The following DDX60L variants were observed in gnomAD, a reference collection of about 807,000 sequenced individuals.
DDX60L encodes the protein probable ATP-dependent RNA helicase DDX60-like.
In DDX60L, 191 loss-of-function variants were observed where a neutral mutation model predicts 211.6. The ratio of observed to expected loss-of-function variants is 0.90; its 90% CI spans 0.80 to 1.02. The LOEUF is 1.02. DDX60L is among the 50% of genes least tolerant of loss of function. The pLI, the probability that DDX60L is intolerant of heterozygous loss-of-function variation, is 0.00. For synonymous variants in DDX60L, 706 were observed against 694.1 expected, an observed-to-expected ratio of 1.02 and a Z score of -0.27; for missense variants, 2,007 against 1,984.1, an observed-to-expected ratio of 1.01 and a Z score of -0.22.
chr4:168,388,207 T>G (rs553039776), intron 29 of DDX60L, among the ~76,000 whole-genome samples: 1 of 152,224 alleles, frequency 6.6e-6, no homozygotes, highest in Admixed American at 6.5e-5. Flanking sequence ...GCTGGAGTAA[T>G]CAAAGAAGAC....
In DDX60L at chr4:168,433,111, GA is replaced by G; in HGVS notation, c.1298del (p.Ile433ThrfsTer14). ...LRQEKSVIQE[I>X]SLEKMPSVGF... ...CCACACTAGGCATCTTTTCCAAGGA[GA>G]TTTCTGAAAACAAATATAAATTTAA... is the stretch of plus-strand genomic sequence containing the variant. On this transcript the variant is annotated frameshift_variant, in exon 11 of 38. Transcript: ENST00000682922. LOFTEE classifies it high-confidence loss of function. 1 of 1,595,614 alleles carries G rather than the reference GA, an allele frequency of 6.3e-7. No individual in the cohort carries two copies. Among genetic ancestry groups the G allele is most frequent in the Non-Finnish European group, 8.6e-7 (1 of 1,168,030 alleles).
At chr4:168,479,739 C>A (rs911998063) in intron 1 of DDX60L, among the ~76,000 whole-genome samples, 2 of 151,964 alleles carry the variant, frequency 1.3e-5, no homozygotes, top group African/African-American at 4.8e-5. Context: ...GCGGCCTAGG[C>A]GGGCGGGTCA....
chr4:168,379,858 C>G (rs1560950509), intron 30 of DDX60L, 28 bp from the exon 31 acceptor site: 1 of 1,517,714 alleles, frequency 6.6e-7, no homozygotes, highest in Non-Finnish European at 9.1e-7. Flanking sequence ...TTTAATTTAT[C>G]TAGTTTTAAA....
At position 168,462,019 on chromosome 4, in the gene DDX60L, C is replaced by A. The variant is rs772229721; in HGVS notation, c.286G>T (p.Asp96Tyr). Residue 96 changes from aspartate (D) to tyrosine (Y), a missense_variant, in exon 5 of 38, where the codon GAT becomes TAT. Coordinates refer to ENST00000682922, the MANE Select transcript of DDX60L (RefSeq NM_001012967.3). ...FFKDAEYAYFDFPELLSLRTA... is the reference protein window; with the variant it reads ...FFKDAEYAYFYFPELLSLRTA... ...CTCAATGAAAGAAGTTCAGGAAAAT[C>A]AAAATATGCATATTCAGCATCCTGT... is the stretch of plus-strand genomic sequence containing the variant. The A allele has an allele frequency of 1.9e-6, 3 of 1,606,434 alleles. No homozygotes were observed. Among genetic ancestry groups the A allele is most frequent in the South Asian group, 2.2e-5 (2 of 90,038 alleles).
rs1296650486 is a variant in DDX60L at position 168,421,855 on chromosome 4, T to C, written c.2299A>G (p.Thr767Ala). Residue 767 changes from threonine to alanine, a missense_variant, in exon 17 of 38, where the codon ACG (threonine) becomes GCG (alanine). By Grantham distance (58) the Thr-to-Ala change is moderately conservative (BLOSUM62 0). Coordinates refer to ENST00000682922, the MANE Select transcript of DDX60L (RefSeq NM_001012967.3). ...GAAGCATAGGTTTTGCCTGAGGACG[T>C]TGGGGCAACAATCACTGCTGACTCA... Reference protein sequence around the residue: ...KNESAVIVAPTSSGKTYASYY... With the variant: ...KNESAVIVAPASSGKTYASYY... 9 of 1,614,078 alleles carry C rather than the reference T, an allele frequency of 5.6e-6. No homozygotes were observed. The highest frequency in any genetic ancestry group is 5.3e-5 in the African/African-American group (4 of 74,918).
intron 36 of DDX60L, among the ~76,000 whole-genome samples, chr4:168,366,643 T>C (rs2149609652): frequency 6.6e-6 from 1 of 152,160 alleles, no homozygotes; most frequent in East Asian, 1.9e-4. Flanking sequence ...CTAAAATTTG[T>C]AGGAAACCAC....
intron 34 of DDX60L, 88 bp from the exon 35 acceptor site, chr4:168,373,896 A>G: frequency 7.6e-7 from 1 of 1,314,486 alleles, no homozygotes; most frequent in Non-Finnish European, 1.1e-6. Context: ...AAGCCACAGT[A>G]GGTGACATTC....
chr4:168,375,812 G>A (rs1741852721), intron 33 of DDX60L, among the ~76,000 whole-genome samples: 1 of 152,194 alleles, frequency 6.6e-6, no homozygotes, highest in Admixed American at 6.5e-5. Flanking sequence ...ATATTTCAGA[G>A]ACTTGAGGGA....
chr4:168,445,949 A>G (rs1754719771), intron 9 of DDX60L, among the ~76,000 whole-genome samples: 1 of 130,928 alleles, frequency 7.6e-6, no homozygotes. Context: ...AACTGGAAGC[A>G]TTCCCTTTGA....
intron 36 of DDX60L, among the ~76,000 whole-genome samples, chr4:168,364,071 G>A (rs562699354): frequency 8.5e-5 from 13 of 152,244 alleles, no homozygotes; most frequent in South Asian, 2.1e-4. Flanking sequence ...AGTGAGCTAT[G>A]ATTGTGCCAC....
chr4:168,390,550 G>A (rs1449705852), intron 29 of DDX60L: 3 of 1,304,632 alleles, frequency 2.3e-6, no homozygotes, highest in African/African-American at 3.0e-5. Context: ...AATAAGAAAA[G>A]AGGAAAATTT....
rs773901306 is a variant in DDX60L at position 168,461,793 on chromosome 4, T to C, written c.512A>G (p.Asn171Ser). The change falls in exon 5 of 38, where the codon AAT (asparagine) becomes AGT (serine). Residue 171 changes from asparagine (N) to serine (S), a missense_variant. Coordinates refer to ENST00000682922, the MANE Select transcript of DDX60L (RefSeq NM_001012967.3). Reference sequence around the variant, plus strand: ...TTCATGCCCTGATGAAAGCACAACATTGACTTTCATTCCCCAGGAATGTAT... The same window carrying C: ...TTCATGCCCTGATGAAAGCACAACACTGACTTTCATTCCCCAGGAATGTAT... ...LIIHSWGMKV[N>S]VVLSSGHESD... 6.2e-7 allele frequency: 1 copy of C among 1,605,406 alleles called. No individual in the cohort carries two copies. Among genetic ancestry groups the C allele is most frequent in the South Asian group, 1.1e-5 (1 of 89,700 alleles).
At position 168,406,036 on chromosome 4, in the gene DDX60L, C is replaced by T. The variant is rs755529162; in HGVS notation, c.3127G>A (p.Val1043Ile). Residue 1043 changes from valine to isoleucine, a missense_variant, in exon 24 of 38, where the codon GTC (valine) becomes ATC (isoleucine). Physicochemically the swap from Val to Ile is conservative, Grantham distance 29 (BLOSUM62 3). Coordinates refer to ENST00000682922, the MANE Select transcript of DDX60L (RefSeq NM_001012967.3). ...EEFILFKNKIVIKKLDARKYE... is the reference protein window; with the variant it reads ...EEFILFKNKIIIKKLDARKYE... ...TTTCTAGCATCCAACTTCTTAATGA[C>T]TATCTTATTCTTAAAAAGAATGAAT... 2.1e-5 allele frequency: 34 copies of T among 1,599,470 alleles called. No homozygotes were observed. Among genetic ancestry groups the T allele is most frequent in the Non-Finnish European group, 2.8e-5 (33 of 1,175,024 alleles).
intron 9 of DDX60L, among the ~76,000 whole-genome samples, chr4:168,447,548 C>G (rs1244555751): frequency 1.3e-5 from 2 of 151,996 alleles, no homozygotes; most frequent in Non-Finnish European, 2.9e-5. Context: ...ACCCAAAGGA[C>G]TATAAATCAT....
intron 30 of DDX60L, 192 bp from the exon 31 acceptor site, chr4:168,380,022 A>T (rs1280777254): frequency 4.2e-6 from 2 of 475,528 alleles, no homozygotes; most frequent in Non-Finnish European, 7.4e-6. Context: ...AATTAAATAC[A>T]TCATATAAAG....
At chr4:168,457,427 T>C (rs1756734441) in intron 6 of DDX60L, among the ~76,000 whole-genome samples, 2 of 148,164 alleles carry the variant, frequency 1.3e-5, no homozygotes, top group African/African-American at 5.1e-5. Flanking sequence ...CAACCACCTT[T>C]TACCGCTTGA....
chr4:168,472,196 G>C (rs574987238), intron 3 of DDX60L, among the ~76,000 whole-genome samples: 9 of 152,292 alleles, frequency 5.9e-5, no homozygotes, highest in Non-Finnish European at 1.0e-4. Flanking sequence ...ATTTGAACTT[G>C]AGAATATGAT....
At chr4:168,398,185 C>G (rs376685696) in intron 26 of DDX60L, among the ~76,000 whole-genome samples, 44 of 152,332 alleles carry the variant, frequency 2.9e-4, no homozygotes, top group African/African-American at 1.1e-3. Context: ...CCTGGCCTCT[C>G]TCTGCTCCAA....
At position 168,357,666 on chromosome 4, in the gene DDX60L, C is replaced by T; in HGVS notation, c.*481G>A. On this transcript the variant is annotated 3_prime_UTR_variant, in exon 38 of 38. Transcript: ENST00000682922. Reference sequence around the variant, plus strand: ...GAGGGGAGGGCACAAACATCCAGTCCACAGCAGTGAGTTTCTTGTAATCTC... The same window carrying T: ...GAGGGGAGGGCACAAACATCCAGTCTACAGCAGTGAGTTTCTTGTAATCTC... The T allele has an allele frequency of 6.4e-6, 1 of 156,578 alleles. No individual in the cohort carries two copies. The highest frequency in any genetic ancestry group is 1.4e-5 in the Non-Finnish European group (1 of 71,124). 9.7% of individuals were successfully genotyped at this position (156,578 alleles called of 1,614,324 possible). A position where few individuals can be genotyped will look rare whatever the true frequency, so the allele number is the denominator to read the frequency against.
Sources: allele counts gnomAD v4.1 joint callset (sites outside exome capture counted in the v4.1 genomes callset), GRCh38; gene constraint gnomAD v4.1.1; transcripts MANE v1.5; gene names NCBI Gene and HGNC (gene_info 2026-07-23, HGNC 2026-07-21).